The following ROBO2 variants were observed in gnomAD, a reference collection of about 807,000 sequenced individuals.
ROBO2 encodes roundabout homolog 2.
In ROBO2, 53 loss-of-function variants were observed where a neutral mutation model predicts 160.8. The ratio of observed to expected loss-of-function variants is 0.33; its 90% confidence interval spans 0.26 to 0.41. The LOEUF is 0.41. Among genes scored for constraint, ROBO2 ranks in the 10% least tolerant of loss-of-function variants. The pLI is 1.00. For synonymous variants in ROBO2, 664 were observed against 611.7 expected, an observed-to-expected ratio of 1.09 and a Z score of -1.26; for missense variants, 1,577 against 1,722.4, an observed-to-expected ratio of 0.92 and a Z score of 1.49.
At chr3:76,335,883 A>C (rs986571095) in intron 2 of ROBO2, among the ~76,000 whole-genome samples, 1 of 152,160 alleles carries the variant, frequency 6.6e-6, no homozygotes, top group East Asian at 1.9e-4. Flanking sequence ...GCCTAAAGCC[A>C]TAACTTTTAA....
At chr3:76,548,805 G>A (rs1180126708) in intron 2 of ROBO2, among the ~76,000 whole-genome samples, 3 of 152,000 alleles carry the variant, frequency 2.0e-5, no homozygotes, top group Non-Finnish European at 2.9e-5. Flanking sequence ...ATGGAAAGAT[G>A]AATACGGTCT....
intron 2 of ROBO2, among the ~76,000 whole-genome samples, chr3:76,624,296 G>C (rs912938155): frequency 2.6e-5 from 4 of 152,108 alleles, no homozygotes; most frequent in African/African-American, 9.7e-5. Flanking sequence ...GGTAAGTGGT[G>C]CTTGTTTTCT....
At chr3:77,607,417 C>T (rs1308269874) in intron 20 of ROBO2, among the ~76,000 whole-genome samples, 1 of 152,010 alleles carries the variant, frequency 6.6e-6, no homozygotes, top group Non-Finnish European at 1.5e-5. Context: ...GCATTTTCCA[C>T]TGAGAGAGAT....
intron 2 of ROBO2, among the ~76,000 whole-genome samples, chr3:76,815,446 A>G (rs2065580789): frequency 7.8e-6 from 1 of 128,040 alleles, no homozygotes; most frequent in African/African-American, 3.0e-5. Context: ...AGAAAAATTG[A>G]AAAAAAAAAA....
intron 2 of ROBO2, among the ~76,000 whole-genome samples, chr3:77,347,531 A>T (rs575997531): frequency 1.2e-4 from 18 of 151,830 alleles, no homozygotes; most frequent in African/African-American, 4.4e-4. Context: ...ATCTCTCCCT[A>T]TCTATATTTT....
intron 5 of ROBO2, among the ~76,000 whole-genome samples, chr3:77,493,745 C>T (rs1045870907): frequency 3.3e-5 from 5 of 152,126 alleles, no homozygotes; most frequent in African/African-American, 1.2e-4. Context: ...GCTTCATCCC[C>T]TCTGGATACC....
At chr3:77,466,335 A>G (rs773199944) in intron 2 of ROBO2, among the ~76,000 whole-genome samples, 10 of 152,172 alleles carry the variant, frequency 6.6e-5, no homozygotes, top group Non-Finnish European at 1.2e-4. Flanking sequence ...TAAAAAATCC[A>G]CAAGCATGTG....
chr3:76,221,109 T>C (rs866109936), intron 2 of ROBO2, among the ~76,000 whole-genome samples: 4 of 152,200 alleles, frequency 2.6e-5, no homozygotes, highest in Non-Finnish European at 5.9e-5. Flanking sequence ...TTTCCCCAGG[T>C]AGTCTGAATC....
intron 2 of ROBO2, among the ~76,000 whole-genome samples, chr3:76,815,854 C>T (rs555014285): frequency 7.2e-5 from 11 of 152,066 alleles, no homozygotes; most frequent in Non-Finnish European, 7.4e-5. Flanking sequence ...CTCCTCAAGG[C>T]TGCACTTTTC....
At position 76,604,390 on chromosome 3, in the gene ROBO2, G is replaced by C. The variant is rs184580579; in HGVS notation, c.110-493624G>C. 1.8e-3 allele frequency among the ~76,000 whole-genome samples: 280 copies of C among 152,206 alleles called. 1 individual carries two copies. The highest frequency in any genetic ancestry group is 3.3e-3 in the Non-Finnish European group (225 of 67,982). On this transcript the variant is annotated intron_variant, in intron 2 of 26. Transcript: ENST00000487694. ...TAAATCATAACCTTAAGACAGCCAA[G>C]TGGTGATCTTATGTGTGAATATCTT...
chr3:77,209,047 C>T lies in ROBO2; in HGVS notation c.388+110707C>T, dbSNP rs557536909. Among the ~76,000 whole-genome samples the T allele has an allele frequency of 1.6e-3, 243 of 152,236 alleles. No homozygotes were observed. The Middle Eastern group carries it at 0.02, about 13-fold the overall frequency. On this transcript the variant is annotated intron_variant, in intron 2 of 25. Coordinates refer to ENST00000461745, the Ensembl canonical transcript of ROBO2. ...AAATGATTTCAAGAAACAGATCTCA[C>T]ATGTGATTCTTTGAAAAGCAGGCAC...
chr3:77,202,425 T>C (rs931901585), intron 2 of ROBO2, among the ~76,000 whole-genome samples: 2 of 152,184 alleles, frequency 1.3e-5, no homozygotes, highest in Non-Finnish European at 2.9e-5. Context: ...AGGGGTGATA[T>C]AGTAACAACT....
chr3:76,448,045 TA>T (rs1473820096), intron 2 of ROBO2, among the ~76,000 whole-genome samples: 3 of 150,316 alleles, frequency 2.0e-5, no homozygotes, highest in Non-Finnish European at 4.4e-5. Context: ...AGTATATATA[TA>T]AAAAAAGAAA....
At chr3:76,277,594 A>G (rs1708001701) in intron 2 of ROBO2, among the ~76,000 whole-genome samples, 1 of 151,944 alleles carries the variant, frequency 6.6e-6, no homozygotes, top group South Asian at 2.1e-4. Flanking sequence ...TATTAGAGGG[A>G]CTACAAAAGC....
At chr3:76,451,128 C>G (rs1015430796) in intron 2 of ROBO2, among the ~76,000 whole-genome samples, 3 of 152,134 alleles carry the variant, frequency 2.0e-5, no homozygotes, top group Non-Finnish European at 4.4e-5. Flanking sequence ...GTGCTTTCAT[C>G]TGAAGGCGAC....
chr3:76,664,769 T>C (rs1256294498), intron 2 of ROBO2, among the ~76,000 whole-genome samples: 2 of 152,088 alleles, frequency 1.3e-5, no homozygotes, highest in Non-Finnish European at 2.9e-5. Flanking sequence ...TCAATATATA[T>C]TTAGGTAGTT....
At chr3:76,611,787 C>A (rs1050902436) in intron 2 of ROBO2, among the ~76,000 whole-genome samples, 5 of 151,934 alleles carry the variant, frequency 3.3e-5, no homozygotes. Context: ...TTTCTTATTT[C>A]TTTTCTGCTA....
chr3:77,047,911 G>T (rs2064847114), intron 1 of ROBO2, among the ~76,000 whole-genome samples: 1 of 151,804 alleles, frequency 6.6e-6, no homozygotes, highest in Non-Finnish European at 1.5e-5. Flanking sequence ...GCCGGGTGTG[G>T]TGGCGGGCGC....
intron 2 of ROBO2, among the ~76,000 whole-genome samples, chr3:76,486,973 TTTTG>T (rs1277594096): frequency 6.6e-6 from 1 of 152,202 alleles, no homozygotes; most frequent in Non-Finnish European, 1.5e-5. Context: ...CACATTTTTG[TTTTG>T]TTTGTCTTCA....
Sources: gnomAD v4.1 joint callset for allele counts (sites outside exome capture counted in the v4.1 genomes callset) on GRCh38, gnomAD v4.1.1 for gene constraint, MANE v1.5 for transcripts, NCBI Gene and HGNC (gene_info 2026-07-23, HGNC 2026-07-21) for gene names.